Variants in RNF180 observed in about 807,000 individuals in gnomAD.
RNF180 encodes E3 ubiquitin-protein ligase RNF180.
RNF180 carries 38 observed loss-of-function variants against 59.2 expected under a neutral mutation model. The ratio of observed to expected loss-of-function variants is 0.64; its 90% CI spans 0.50 to 0.84. The LOEUF is 0.84. Among genes scored for constraint, RNF180 ranks in the 40% least tolerant of loss-of-function variants. RNF180 has a pLI of 0.00. For synonymous variants in RNF180, 262 were observed against 240.3 expected (o/e 1.09, Z -0.84); for missense variants, 705 against 700.9 (o/e 1.01, Z -0.07).
intron 2 of RNF180, among the ~76,000 whole-genome samples, chr5:64,206,316 A>G (rs1752014517): frequency 6.6e-6 from 1 of 152,214 alleles, no homozygotes; most frequent in Admixed American, 6.5e-5. Flanking sequence ...TTATTAGGTT[A>G]TGACTTCTTC....
chr5:64,249,885 C>G (rs955555784), intron 5 of RNF180, among the ~76,000 whole-genome samples: 8 of 152,140 alleles, frequency 5.3e-5, no homozygotes, highest in African/African-American at 1.9e-4. Flanking sequence ...TATGGAACTT[C>G]CACACTTGAT....
intron 1 of RNF180, among the ~76,000 whole-genome samples, chr5:64,189,123 G>C (rs1322493507): frequency 6.6e-6 from 1 of 152,000 alleles, no homozygotes; most frequent in Non-Finnish European, 1.5e-5. Flanking sequence ...CCAATACCTT[G>C]ATCTTAGACT....
intron 5 of RNF180, among the ~76,000 whole-genome samples, chr5:64,248,322 C>T (rs1743322461): frequency 6.6e-6 from 1 of 152,126 alleles, no homozygotes; most frequent in South Asian, 2.1e-4. Flanking sequence ...GAACAGGCAA[C>T]CTACAGAATG....
intron 5 of RNF180, among the ~76,000 whole-genome samples, chr5:64,266,399 T>C (rs1018148033): frequency 7.1e-6 from 1 of 140,724 alleles, no homozygotes; most frequent in Non-Finnish European, 1.6e-5. Flanking sequence ...ATAACTATAA[T>C]AGTTATAATA....
At chr5:64,289,569 C>G (rs916024779) in intron 5 of RNF180, among the ~76,000 whole-genome samples, 4 of 152,118 alleles carry the variant, frequency 2.6e-5, no homozygotes, top group African/African-American at 9.7e-5. Flanking sequence ...AATTTCAGAA[C>G]TCATTATTGG....
At position 64,330,339 on chromosome 5, in the gene RNF180, CT is replaced by C. The variant is rs1561265572; in HGVS notation, c.1515del (p.Gln506ArgfsTer61). ...AAGAATATTTGAAAATAAAACAAAG[CT>C]TTCAGAAATCCAACTCTGCAAAATG... ...TKEYLKIKQS[F>X]QKSNSAKWPL... On this transcript the variant is annotated frameshift_variant, in exon 7 of 8. Coordinates refer to ENST00000389100, the MANE Select transcript of RNF180 (RefSeq NM_001113561.2). LOFTEE classifies it high-confidence loss of function. 1 of 1,541,318 alleles carries C rather than the reference CT, an allele frequency of 6.5e-7. No individual in the cohort carries two copies. Among genetic ancestry groups the C allele is most frequent in the Middle Eastern group, 1.7e-4 (1 of 5,972 alleles).
chr5:64,221,647 G>A (rs1741346781), intron 5 of RNF180, among the ~76,000 whole-genome samples: 1 of 152,108 alleles, frequency 6.6e-6, no homozygotes, highest in Non-Finnish European at 1.5e-5. Context: ...CTAACATCCA[G>A]CTAAATGAGC....
intron 5 of RNF180, among the ~76,000 whole-genome samples, chr5:64,285,686 G>T (rs1262412640): frequency 2.6e-5 from 4 of 152,128 alleles, no homozygotes; most frequent in African/African-American, 9.7e-5. Flanking sequence ...CCCCACACAG[G>T]CCAGGAGATA....
At chr5:64,307,908 G>T (rs1379870617) in intron 5 of RNF180, among the ~76,000 whole-genome samples, 1 of 151,776 alleles carries the variant, frequency 6.6e-6, no homozygotes, top group Non-Finnish European at 1.5e-5. Flanking sequence ...GGGACCATCT[G>T]TAATCTGCTA....
At chr5:64,297,621 CACA>C in intron 5 of RNF180, among the ~76,000 whole-genome samples, 1 of 151,934 alleles carries the variant, frequency 6.6e-6, no homozygotes, top group East Asian at 1.9e-4. Flanking sequence ...AAGGTTAGTT[CACA>C]ACATGTTTAA....
chr5:64,239,900 A>G (rs1352595238), intron 5 of RNF180, among the ~76,000 whole-genome samples: 2 of 152,182 alleles, frequency 1.3e-5, no homozygotes, highest in Non-Finnish European at 1.5e-5. Flanking sequence ...AACAAAATGT[A>G]TTTTTATGTT....
At chr5:64,174,764 G>A (rs144947185) in intron 1 of RNF180, among the ~76,000 whole-genome samples, 53 of 152,040 alleles carry the variant, frequency 3.5e-4, no homozygotes, top group African/African-American at 8.2e-4. Flanking sequence ...TATCGATTGT[G>A]TCCTTTGGTG....
intron 4 of RNF180, among the ~76,000 whole-genome samples, chr5:64,215,462 G>A (rs539463221): frequency 3.2e-4 from 49 of 152,162 alleles, no homozygotes; most frequent in African/African-American, 1.2e-3. Context: ...TTCAGATTGA[G>A]TGTTTTTGTC....
At chr5:64,332,809 A>G (rs1184873555) in intron 7 of RNF180, among the ~76,000 whole-genome samples, 1 of 152,220 alleles carries the variant, frequency 6.6e-6, no homozygotes, top group East Asian at 1.9e-4. Flanking sequence ...AAGTCCAGAT[A>G]TGAGGAACTG....
intron 7 of RNF180, among the ~76,000 whole-genome samples, chr5:64,337,153 AC>A (rs1438443810): frequency 6.6e-6 from 1 of 151,930 alleles, no homozygotes; most frequent in Non-Finnish European, 1.5e-5. Context: ...AGCTGGGACT[AC>A]AGGAGCACAC....
chr5:64,330,978 C>T (rs1170900856), intron 7 of RNF180, among the ~76,000 whole-genome samples: 3 of 152,352 alleles, frequency 2.0e-5, no homozygotes, highest in East Asian at 1.9e-4. Context: ...AATGCCTACT[C>T]CTGCTGCCTG....
At chr5:64,296,669 A>C (rs1035161364) in intron 5 of RNF180, among the ~76,000 whole-genome samples, 20 of 151,018 alleles carry the variant, frequency 1.3e-4, no homozygotes, top group Non-Finnish European at 2.8e-4. Flanking sequence ...AAAAAAAAAA[A>C]GGAAAATGAT....
At position 64,305,465 on chromosome 5, in the gene RNF180, G is replaced by C. The variant is rs375027855; in HGVS notation, c.1228-19721G>C. ...ATTAAATGCAGCCAGTAGCAACCAA[G>C]GCATGTTACTGAATTTTTTTTTTTA... On this transcript the variant is annotated intron_variant, in intron 5 of 7. Transcript: ENST00000389100. 9.3e-5 allele frequency among the ~76,000 whole-genome samples: 14 copies of C among 151,252 alleles called. 1 individual carries two copies. The East Asian group carries it at 1.8e-3, about 19-fold the overall frequency.
At position 64,371,950 on chromosome 5, in the gene RNF180, T is replaced by TA. The variant is rs903975532; in HGVS notation, c.*2140dup. The TA allele has an allele frequency of 6.6e-6, 1 of 151,324 alleles. No homozygotes were observed. Among genetic ancestry groups the TA allele is most frequent in the Non-Finnish European group, 1.5e-5 (1 of 67,672 alleles). 9.4% of individuals were successfully genotyped at this position (151,324 alleles called of 1,614,324 possible). A position where few individuals can be genotyped will look rare whatever the true frequency, so the allele number is the denominator to read the frequency against. ...TAAAATACATGGATGAGCTTTAGAG[T>TA]AAAACAAAAAATTATAATGCTCTTC... On this transcript the variant is annotated 3_prime_UTR_variant, in exon 8 of 8. Transcript: ENST00000389100.
Sources: gnomAD v4.1 joint callset for allele counts (sites outside exome capture counted in the v4.1 genomes callset) on GRCh38, gnomAD v4.1.1 for gene constraint, MANE v1.5 for transcripts, NCBI Gene and HGNC (gene_info 2026-07-23, HGNC 2026-07-21) for gene names.